LCOR: variants seen among roughly 807,000 people sequenced by gnomAD.
The protein encoded by LCOR is ligand dependent nuclear receptor corepressor.
Under a neutral mutation model 64.4 loss-of-function variants are expected in LCOR, and 14 were observed. The observed-to-expected ratio is 0.22, with a 90% CI of 0.14 to 0.34. LCOR has a LOEUF of 0.34. Among genes scored for constraint, LCOR ranks in the 10% least tolerant of loss-of-function variants. The pLI, the probability that LCOR is intolerant of heterozygous loss-of-function variation, is 1.00. For synonymous variants in LCOR, 643 were observed against 642.5 expected (o/e 1.00, Z -0.01); for missense variants, 1,686 against 1,765.3 (o/e 0.96, Z 0.80).
intron 2 of LCOR, among the ~76,000 whole-genome samples, chr10:96,844,563 T>G (rs958693004): frequency 6.6e-6 from 1 of 152,232 alleles, no homozygotes; most frequent in Non-Finnish European, 1.5e-5. Flanking sequence ...ATACCTTGCC[T>G]CCTTCTCTTC....
chr10:96,946,053 G>T (rs1847584765), intron 5 of LCOR, among the ~76,000 whole-genome samples: 1 of 151,748 alleles, frequency 6.6e-6, no homozygotes, highest in Non-Finnish European at 1.5e-5. Context: ...GAGTTTATTT[G>T]TTTATGTACA....
intron 2 of LCOR, among the ~76,000 whole-genome samples, chr10:96,861,017 T>C (rs1326559630): frequency 1.3e-5 from 2 of 152,178 alleles, no homozygotes; most frequent in African/African-American, 4.8e-5. Flanking sequence ...TATTTCTGGG[T>C]TCTAGTTCAT....
At chr10:96,943,803 A>G (rs555131178) in intron 4 of LCOR, among the ~76,000 whole-genome samples, 23 of 151,500 alleles carry the variant, frequency 1.5e-4, no homozygotes, top group African/African-American at 4.6e-4. Context: ...AAAAATAACT[A>G]TAGTATAATA....
intron 2 of LCOR, among the ~76,000 whole-genome samples, chr10:96,858,695 G>A (rs188616791): frequency 9.2e-5 from 14 of 152,262 alleles, no homozygotes; most frequent in Non-Finnish European, 1.8e-4. Flanking sequence ...AAAACTTTAT[G>A]AATGTTTGGA....
At chr10:96,966,664 T>G (rs986909415) in intron 7 of LCOR, among the ~76,000 whole-genome samples, 1 of 152,244 alleles carries the variant, frequency 6.6e-6, no homozygotes, top group South Asian at 2.1e-4. Flanking sequence ...GTTCTTGTTA[T>G]ATTTCACTTT....
At chr10:96,869,019 C>T (rs936644319) in intron 2 of LCOR, among the ~76,000 whole-genome samples, 16 of 152,212 alleles carry the variant, frequency 1.1e-4, no homozygotes, top group Non-Finnish European at 1.9e-4. Flanking sequence ...GATTCTCCCA[C>T]CTCAGCCTCC....
intron 2 of LCOR, among the ~76,000 whole-genome samples, chr10:96,849,342 G>A (rs2134376177): frequency 6.6e-6 from 1 of 152,014 alleles, no homozygotes; most frequent in South Asian, 2.1e-4. Flanking sequence ...CAAAATGCTG[G>A]GATTACAGGC....
rs993913538 is a variant in LCOR, at chr10:96,984,846, G to A, written c.4386G>A (p.Lys1462=). 6.2e-6 allele frequency: 10 copies of A among 1,614,020 alleles called. No individual in the cohort carries two copies. Among genetic ancestry groups the A allele is most frequent in the Non-Finnish European group, 8.5e-6 (10 of 1,180,042 alleles). The change falls in exon 8 of 8, where the codon AAG becomes AAA. Residue 1462 remains lysine, a synonymous_variant. Coordinates refer to ENST00000421806, the MANE Select transcript of LCOR (RefSeq NM_001346516.2). The part of the protein sequence containing the change: ...LKENKVKIPK[K]SAGKSCPPSR... ...AGAATAAAGTGAAGATCCCTAAAAAGTCCGCTGGGAAGAGCTGCCCTCCCT... is the reference window on the plus strand; with the variant it reads ...AGAATAAAGTGAAGATCCCTAAAAAATCCGCTGGGAAGAGCTGCCCTCCCT...
chr10:96,975,844 GTCTC>G (rs1189023684), intron 7 of LCOR, among the ~76,000 whole-genome samples: 1 of 151,894 alleles, frequency 6.6e-6, no homozygotes, highest in Non-Finnish European at 1.5e-5. Context: ...GCAAAACCCT[GTCTC>G]TACTAAAAAT....
intron 7 of LCOR, among the ~76,000 whole-genome samples, chr10:96,966,292 G>T (rs1225356429): frequency 7.3e-6 from 1 of 137,776 alleles, no homozygotes; most frequent in Non-Finnish European, 1.5e-5. Context: ...GCAGTGGCGC[G>T]ATCTCGGCTC....
chr10:96,946,675 C>G (rs530165497), intron 5 of LCOR, among the ~76,000 whole-genome samples: 1 of 152,004 alleles, frequency 6.6e-6, no homozygotes, highest in African/African-American at 2.4e-5. Context: ...TAAACTTCCA[C>G]AAGATAGAGA....
At chr10:96,870,117 C>T (rs544749210) in intron 2 of LCOR, among the ~76,000 whole-genome samples, 1 of 151,456 alleles carries the variant, frequency 6.6e-6, no homozygotes, top group East Asian at 1.9e-4. Context: ...TGCAGTGGCA[C>T]GTTCTCGGCT....
At chr10:96,859,087 C>G (rs1271018777) in intron 2 of LCOR, among the ~76,000 whole-genome samples, 1 of 151,914 alleles carries the variant, frequency 6.6e-6, no homozygotes, top group Non-Finnish European at 1.5e-5. Flanking sequence ...TTTATGAACT[C>G]GGAAGTTCAG....
At chr10:96,863,129 C>T (rs1013472944) in intron 2 of LCOR, among the ~76,000 whole-genome samples, 4 of 151,334 alleles carry the variant, frequency 2.6e-5, no homozygotes, top group Non-Finnish European at 5.9e-5. Flanking sequence ...GTGATCTGCC[C>T]ACCTCAGCCT....
At chr10:96,920,706 G>GTGTATATATGTATATATATTCATATATA (rs1564626436) in intron 4 of LCOR, among the ~76,000 whole-genome samples, 1 of 134,132 alleles carries the variant, frequency 7.5e-6, no homozygotes, top group African/African-American at 3.3e-5. Context: ...GTTCATATAT[G>GTGTATATATGTATATATATTCATATATA]TGTGTATATA....
At chr10:96,880,791 G>C (rs145336614) in intron 2 of LCOR, among the ~76,000 whole-genome samples, 2 of 152,160 alleles carry the variant, frequency 1.3e-5, no homozygotes, top group Non-Finnish European at 1.5e-5. Context: ...TGAGTCATCA[G>C]TACAATTTTA....
At chr10:96,909,247 T>G (rs904996157) in intron 4 of LCOR, among the ~76,000 whole-genome samples, 5 of 152,212 alleles carry the variant, frequency 3.3e-5, no homozygotes, top group Non-Finnish European at 5.9e-5. Context: ...CATTGTCTTC[T>G]GGATTCATTA....
At chr10:96,970,095 A>T (rs1847985895) in intron 7 of LCOR, among the ~76,000 whole-genome samples, 1 of 150,590 alleles carries the variant, frequency 6.6e-6, no homozygotes, top group Non-Finnish European at 1.5e-5. Context: ...CCAACCTTTA[A>T]CAACTATTAA....
chr10:96,862,238 T>C (rs911264214), intron 2 of LCOR, among the ~76,000 whole-genome samples: 3 of 152,116 alleles, frequency 2.0e-5, no homozygotes, highest in Non-Finnish European at 4.4e-5. Context: ...CTTTTAAGTT[T>C]TTATGGGAGG....
Sources: gnomAD v4.1 joint callset for allele counts (sites outside exome capture counted in the v4.1 genomes callset) on GRCh38, gnomAD v4.1.1 for gene constraint, MANE v1.5 for transcripts, NCBI Gene and HGNC (gene_info 2026-07-23, HGNC 2026-07-21) for gene names.